LIN28B: variants seen among roughly 807,000 people sequenced by gnomAD.
LIN28B encodes lin-28 RNA binding posttranscriptional regulator B.
A neutral mutation model predicts 21.9 loss-of-function variants in LIN28B; 5 were observed. That is an observed-to-expected ratio of 0.23 (90% CI 0.12 to 0.48). The LOEUF (loss-of-function observed/expected upper bound fraction) is 0.48, where lower values mean the gene tolerates loss of function less well. Among genes scored for constraint, LIN28B ranks in the 20% least tolerant of loss-of-function variants. The pLI is 0.98. For missense variants in LIN28B, 245 were observed against 310.5 expected (o/e 0.79, Z 1.58); for synonymous variants, 109 against 111.3 (o/e 0.98, Z 0.13).
rs1772525588 is a variant in LIN28B, at chr6:105,080,549, T to G, written c.*1766T>G. ...TCAGCTTGAATTTCACAACAGTGAT[T>G]GTGAGAATCTGCGTGGTATACACTG... is the stretch of plus-strand genomic sequence containing the variant. On this transcript the variant is annotated 3_prime_UTR_variant, in exon 4 of 4. Coordinates refer to ENST00000345080, the MANE Select transcript of LIN28B (RefSeq NM_001004317.4). 1 of 152,596 alleles carries G rather than the reference T, an allele frequency of 6.6e-6. No individual in the cohort carries two copies. The highest frequency in any genetic ancestry group is 1.5e-5 in the Non-Finnish European group (1 of 68,042). The allele number at this position is 152,596 out of a possible 1,614,324, so 9.5% of individuals were successfully genotyped here. A position where few individuals can be genotyped will look rare whatever the true frequency, so the allele number is the denominator to read the frequency against.
intron 2 of LIN28B, among the ~76,000 whole-genome samples, chr6:104,969,252 A>G (rs1303781262): frequency 6.6e-6 from 1 of 152,132 alleles, no homozygotes; most frequent in Non-Finnish European, 1.5e-5. Context: ...TTGGATTTGC[A>G]TGTTTGCCCC....
intron 3 of LIN28B, among the ~76,000 whole-genome samples, chr6:105,039,740 G>C (rs563913425): frequency 6.6e-6 from 1 of 152,044 alleles, no homozygotes; most frequent in Non-Finnish European, 1.5e-5. Flanking sequence ...CACACCTTAT[G>C]CTATTTATTT....
At chr6:104,958,307 C>T in intron 2 of LIN28B, 21 bp downstream of exon 2, 7 of 1,535,534 alleles carry the variant, frequency 4.6e-6, no homozygotes, top group South Asian at 1.3e-5. Flanking sequence ...CTTTTTTGTC[C>T]CCCTCTTCAT....
At chr6:104,971,191 T>C (rs1253117469) in intron 2 of LIN28B, among the ~76,000 whole-genome samples, 1 of 152,150 alleles carries the variant, frequency 6.6e-6, no homozygotes, top group East Asian at 1.9e-4. Context: ...GCACATATTT[T>C]CGTGCAAATA....
chr6:104,942,604 A>G (rs974500635), intron 2 of LIN28B, among the ~76,000 whole-genome samples: 3 of 152,090 alleles, frequency 2.0e-5, no homozygotes, highest in African/African-American at 7.2e-5. Flanking sequence ...TGTAATAATC[A>G]GTATTCCATT....
At position 104,957,204 on chromosome 6, in the gene LIN28B, GAA is replaced by G; in HGVS notation, c.-45_-44del. ...GCAGAAGATCACTCCGTTCCAAAGG[GAA>G]AGTTTTCATCTCACGAGTTTGGAGC... On this transcript the variant is annotated 5_prime_UTR_variant, in exon 1 of 4. Transcript: ENST00000345080. 3 of 1,613,964 alleles carry G rather than the reference GAA, an allele frequency of 1.9e-6. No individual in the cohort carries two copies. The South Asian group carries it at 3.3e-5, about 18-fold the overall frequency.
intron 3 of LIN28B, among the ~76,000 whole-genome samples, chr6:105,040,964 C>T (rs1406251350): frequency 6.6e-6 from 1 of 151,882 alleles, no homozygotes. Flanking sequence ...CAGGCTGGAG[C>T]ACAGTGGTAG....
intron 3 of LIN28B, among the ~76,000 whole-genome samples, chr6:105,070,662 C>G (rs1772316162): frequency 7.9e-6 from 1 of 127,368 alleles, no homozygotes; most frequent in Non-Finnish European, 1.7e-5. Flanking sequence ...TACCTGTAGT[C>G]TCAGCTGCTA....
At position 104,958,109 on chromosome 6, in the gene LIN28B, C is replaced by T. The variant is rs761217594; in HGVS notation, c.21C>T (p.Ser7=). Residue 7 remains serine, a synonymous_variant, in exon 2 of 4, where the codon AGC becomes AGT. Transcript: ENST00000345080. The stretch of plus-strand genomic sequence containing the variant: ...CCTGTTCCTTCTCAGGCGGGGCTAG[C>T]AAAGGTGGTGGAGAAGAGCCCGGGA... MAEGGA[S]KGGGEEPGKL... 3.2e-6 allele frequency: 5 copies of T among 1,584,332 alleles called. No individual in the cohort carries two copies. Among genetic ancestry groups the T allele is most frequent in the Non-Finnish European group, 3.4e-6 (4 of 1,159,810 alleles).
intron 2 of LIN28B, among the ~76,000 whole-genome samples, chr6:105,019,483 A>G (rs1262772189): frequency 6.6e-6 from 1 of 152,210 alleles, no homozygotes; most frequent in African/African-American, 2.4e-5. Flanking sequence ...CCTTAAGGCC[A>G]TGTTTGCCTG....
Position 105,082,231 on chromosome 6 carries a change from G to A in LIN28B, c.*3448G>A, listed in dbSNP as rs1272650949. ...ATAACTTGGAAGTTTAGAGTGCAATGTAAGAAAAAAGATCAAGAAATGTCA... is the reference window on the plus strand; with the variant it reads ...ATAACTTGGAAGTTTAGAGTGCAATATAAGAAAAAAGATCAAGAAATGTCA... On this transcript the variant is annotated 3_prime_UTR_variant, in exon 4 of 4. Transcript: ENST00000345080. 10 of 152,616 alleles carry A rather than the reference G, an allele frequency of 6.6e-5. No homozygotes were observed. The highest frequency in any genetic ancestry group is 1.9e-4 in the African/African-American group (8 of 41,448). 9.5% of individuals were successfully genotyped at this position (152,616 alleles called of 1,614,324 possible). A position where few individuals can be genotyped will look rare whatever the true frequency, so the allele number is the denominator to read the frequency against.
intron 2 of LIN28B, among the ~76,000 whole-genome samples, chr6:104,975,263 A>G (rs1033624342): frequency 6.6e-6 from 1 of 152,220 alleles, no homozygotes; most frequent in African/African-American, 2.4e-5. Context: ...CTATAATAGA[A>G]TATCTAATAT....
chr6:105,053,055 CTTAAT>C (rs1469824380), intron 3 of LIN28B, among the ~76,000 whole-genome samples: 2 of 151,994 alleles, frequency 1.3e-5, no homozygotes, highest in Admixed American at 6.6e-5. Flanking sequence ...TTTCACAAAT[CTTAAT>C]TTATTTTTTC....
chr6:104,956,518 A>T (rs1778292793), upstream of LIN28B, among the ~76,000 whole-genome samples: 1 of 152,194 alleles, frequency 6.6e-6, no homozygotes, highest in African/African-American at 2.4e-5. Flanking sequence ...TTTCGGGCAT[A>T]ATCAGGTAAT....
chr6:105,041,994 C>G (rs1320200840), intron 3 of LIN28B, among the ~76,000 whole-genome samples: 5 of 152,086 alleles, frequency 3.3e-5, no homozygotes, highest in Non-Finnish European at 7.4e-5. Flanking sequence ...ATCCTAGTGC[C>G]AAGAGGGATA....
chr6:105,055,817 G>T (rs1337164719), intron 3 of LIN28B, among the ~76,000 whole-genome samples: 1 of 151,812 alleles, frequency 6.6e-6, no homozygotes, highest in Non-Finnish European at 1.5e-5. Flanking sequence ...GCCCAGGCCG[G>T]AGTGCAGTGG....
At chr6:105,012,187 G>A (rs1453448162) in intron 2 of LIN28B, among the ~76,000 whole-genome samples, 3 of 150,846 alleles carry the variant, frequency 2.0e-5, no homozygotes, top group Non-Finnish European at 4.4e-5. Flanking sequence ...CCGACCTTGG[G>A]CTGGGTGCGG....
intron 3 of LIN28B, chr6:105,045,635 C>T (rs1463499300): frequency 6.6e-6 from 1 of 152,066 alleles, no homozygotes; most frequent in Non-Finnish European, 1.5e-5. Context: ...CTGTATTGTT[C>T]CAATTTTAGT....
chr6:105,054,005 A>C (rs142906066), intron 3 of LIN28B, among the ~76,000 whole-genome samples: 3 of 152,012 alleles, frequency 2.0e-5, no homozygotes, highest in Admixed American at 6.6e-5. Context: ...CGGCCTCCCA[A>C]AGTACTGGGA....
Sources: gnomAD v4.1 joint callset for allele counts (sites outside exome capture counted in the v4.1 genomes callset) on GRCh38, gnomAD v4.1.1 for gene constraint, MANE v1.5 for transcripts, NCBI Gene and HGNC (gene_info 2026-07-23, HGNC 2026-07-21) for gene names.